Variants in RP1L1 observed in about 807,000 individuals in gnomAD.
RP1L1 encodes the protein retinitis pigmentosa 1-like 1 protein.
Under a neutral mutation model 15.7 loss-of-function variants are expected in RP1L1, and 27 were observed. The observed-to-expected ratio is 1.72, with a 90% CI of 1.27 to 2.38. RP1L1 has a LOEUF of 2.38. Ranked by LOEUF, RP1L1 falls within the 30% of genes most tolerant of loss-of-function variation. The pLI, the probability that RP1L1 is intolerant of heterozygous loss-of-function variation, is 0.00. For synonymous variants in RP1L1, 1,813 were observed against 1,276.7 expected, an observed-to-expected ratio of 1.42 and a Z score of -8.96; for missense variants, 4,798 against 3,075.9, an observed-to-expected ratio of 1.56 and a Z score of -13.24.
Position 10,611,490 on chromosome 8 carries a change from A to C in RP1L1, c.2608T>G (p.Cys870Gly), listed in dbSNP as rs1797853367. The change falls in exon 4 of 4, where the codon TGT (cysteine) becomes GGT (glycine). Residue 870 changes from cysteine to glycine, a missense_variant. Physicochemically the swap from Cys to Gly is radical, Grantham distance 159. Transcript: ENST00000382483. ...TGGTGGCTGCTGCCGGTGCTCCCAC[A>C]GCTGGAAGAGCGCCTCTGGGGGCAG... ...RPCPQRRSSSCGSTGSSHQST... is the reference protein window; with the variant it reads ...RPCPQRRSSSGGSTGSSHQST... 1 of 1,572,752 alleles carries C rather than the reference A, an allele frequency of 6.4e-7. No individual in the cohort carries two copies. Among genetic ancestry groups the C allele is most frequent in the African/African-American group, 1.3e-5 (1 of 74,346 alleles).
chr8:10,616,671 T>C, intron 2 of RP1L1, 84 bp from the exon 3 acceptor site: 1 of 1,450,900 alleles, frequency 6.9e-7, no homozygotes, highest in South Asian at 1.3e-5. Flanking sequence ...GGATCCAGTC[T>C]CACCAGCCCT....
At chr8:10,618,590 G>C (rs577086970) in intron 2 of RP1L1, among the ~76,000 whole-genome samples, 1 of 152,142 alleles carries the variant, frequency 6.6e-6, no homozygotes, top group Non-Finnish European at 1.5e-5. Flanking sequence ...TGCTTGGGAG[G>C]CTGAGATGGG....
intron 2 of RP1L1, among the ~76,000 whole-genome samples, chr8:10,619,426 G>A (rs4404875): frequency 0.17 from 26,466 of 152,084 alleles, 2,861 homozygotes; most frequent in East Asian, 0.42. Context: ...TTCCCATTTG[G>A]GATCCCAGCA....
chr8:10,646,165 C>T (rs1267360372), intron 1 of RP1L1, among the ~76,000 whole-genome samples: 6 of 152,244 alleles, frequency 3.9e-5, no homozygotes, highest in Admixed American at 6.5e-5. Flanking sequence ...CCCCACGGGG[C>T]TGCCGAGAGA....
In RP1L1 at chr8:10,613,266, GC is replaced by G. The variant is rs1797910388; in HGVS notation, c.831del (p.Arg277SerfsTer33). 1.9e-6 allele frequency: 3 copies of G among 1,609,756 alleles called. No homozygotes were observed. The highest frequency in any genetic ancestry group is 2.5e-6 in the Non-Finnish European group (3 of 1,180,008). On this transcript the variant is annotated frameshift_variant, in exon 4 of 4. Coordinates refer to ENST00000382483, the MANE Select transcript of RP1L1 (RefSeq NM_178857.6). LOFTEE classifies it low-confidence loss of function (END_TRUNC). ...PPGSTPRLPE[R>X]PGPSNPPVGP... ...CCCACCGGGGGGTTGCTAGGACCAG[GC>G]CTTTCTGGCAGCCGTGGCGTGCTGC... is the stretch of plus-strand genomic sequence containing the variant.
intron 1 of RP1L1, among the ~76,000 whole-genome samples, chr8:10,634,648 C>A (rs375244303): frequency 1.3e-5 from 2 of 152,204 alleles, no homozygotes; most frequent in African/African-American, 4.8e-5. Flanking sequence ...GCCAATCACC[C>A]AGGCTCCTGC....
At chr8:10,618,480 C>G (rs1003598820) in intron 2 of RP1L1, among the ~76,000 whole-genome samples, 3 of 152,164 alleles carry the variant, frequency 2.0e-5, no homozygotes, top group Admixed American at 1.3e-4. Context: ...GCACTCCAGC[C>G]TGGGTGACAG....
chr8:10,650,491 T>G (rs925146603), intron 1 of RP1L1, among the ~76,000 whole-genome samples: 1 of 151,978 alleles, frequency 6.6e-6, no homozygotes, highest in African/African-American at 2.4e-5. Context: ...CTGGCCATCC[T>G]GTCACATTCG....
At chr8:10,639,303 G>A (rs1295834420) in intron 1 of RP1L1, among the ~76,000 whole-genome samples, 6 of 152,144 alleles carry the variant, frequency 3.9e-5, no homozygotes, top group Non-Finnish European at 8.8e-5. Context: ...CTACAACCGA[G>A]GAATCTGCCC....
At position 10,607,859 on chromosome 8, in the gene RP1L1, G is replaced by C. The variant is rs754179055; in HGVS notation, c.6239C>G (p.Pro2080Arg). 16 of 1,590,382 alleles carry C rather than the reference G, an allele frequency of 1.0e-5. No individual in the cohort carries two copies. Among genetic ancestry groups the C allele is most frequent in the Non-Finnish European group, 4.3e-6 (5 of 1,164,834 alleles). The change falls in exon 4 of 4, where the codon CCA becomes CGA. Residue 2080 changes from proline to arginine, a missense_variant. By Grantham distance (103) the Pro-to-Arg change is moderately radical. Coordinates refer to ENST00000382483, the MANE Select transcript of RP1L1 (RefSeq NM_178857.6). ...EVQEAEGEAH[P>R]ESEDVDAQEA... is the part of the protein sequence containing the mutation. ...CTGGGCATCTACATCTTCTGACTCT[G>C]GGTGGGCCTCCCCTTCTGCCTCCTG...
chr8:10,628,237 T>C (rs1798187765), intron 1 of RP1L1, among the ~76,000 whole-genome samples: 1 of 152,208 alleles, frequency 6.6e-6, no homozygotes, highest in African/African-American at 2.4e-5. Flanking sequence ...TAGGAGTTTG[T>C]AGGAAAAGTT....
intron 1 of RP1L1, among the ~76,000 whole-genome samples, chr8:10,633,143 G>A (rs562608054): frequency 2.0e-5 from 3 of 152,328 alleles, no homozygotes; most frequent in East Asian, 3.9e-4. Context: ...CTGGAGGGAT[G>A]AGGGAAGACT....
intron 1 of RP1L1, among the ~76,000 whole-genome samples, chr8:10,639,517 C>T (rs184207543): frequency 2.4e-4 from 36 of 152,222 alleles, no homozygotes; most frequent in African/African-American, 8.2e-4. Context: ...GGACTACAGG[C>T]GTGCACCACC....
Position 10,612,654 on chromosome 8 carries a change from T to C in RP1L1, c.1444A>G (p.Ser482Gly). Residue 482 changes from serine (S) to glycine (G), a missense_variant, in exon 4 of 4, where the codon AGT becomes GGT. Coordinates refer to ENST00000382483, the MANE Select transcript of RP1L1 (RefSeq NM_178857.6). ...CCTATCTGGGCAGAGGGGCTGGCAC[T>C]GTCCACCCCGTCCTCCGGGGTCCTG... ...CPRTPEDGVD[S>G]ASPSAQIGAE... 6 of 1,601,444 alleles carry C rather than the reference T, an allele frequency of 3.7e-6. No individual in the cohort carries two copies. Among genetic ancestry groups the C allele is most frequent in the Non-Finnish European group, 5.1e-6 (6 of 1,178,234 alleles).
intron 2 of RP1L1, 119 bp downstream of exon 2, chr8:10,622,474 A>G (rs1798075869): frequency 3.8e-6 from 5 of 1,312,508 alleles, no homozygotes; most frequent in Non-Finnish European, 5.5e-6. Flanking sequence ...TTCACCTTTA[A>G]TTAGCAGCAG....
rs1157547258 is a variant in RP1L1, at chr8:10,622,878, C to T, written c.324G>A (p.Lys108=). Residue 108 remains lysine (K), a synonymous_variant, in exon 2 of 4, where the codon AAG becomes AAA. Coordinates refer to ENST00000382483, the MANE Select transcript of RP1L1 (RefSeq NM_178857.6). The part of the protein sequence containing the change: ...DGGCYLCSDK[K]PPKTPSGPGR... ...CTGGTCCACTGGGGGTCTTGGGGGG[C>T]TTCTTATCAGAGCAGAGGTAGCAGC... The T allele has an allele frequency of 1.9e-6, 3 of 1,613,124 alleles. No homozygotes were observed. Among genetic ancestry groups the T allele is most frequent in the East Asian group, 2.2e-5 (1 of 44,630 alleles).
At chr8:10,631,658 C>A (rs1432105785) in intron 1 of RP1L1, among the ~76,000 whole-genome samples, 2 of 152,230 alleles carry the variant, frequency 1.3e-5, no homozygotes, top group Non-Finnish European at 2.9e-5. Context: ...TCCTCCACTT[C>A]CGAGACGACC....
Position 10,611,027 on chromosome 8 carries a change from G to T in RP1L1, c.3071C>A (p.Pro1024Gln), listed in dbSNP as rs780570154. ...ACTACTCCCCAGGAGGGCTCCCTCT[G>T]GCTCTGGGTCCTGGCCGGGGTCCCC... ...LEGDPGQDPE[P>Q]EGALLGSSDT... Residue 1024 changes from proline to glutamine, a missense_variant, in exon 4 of 4, where the codon CCA becomes CAA. Transcript: ENST00000382483. The T allele has an allele frequency of 1.2e-6, 2 of 1,612,670 alleles. No individual in the cohort carries two copies. Among genetic ancestry groups the T allele is most frequent in the African/African-American group, 2.7e-5 (2 of 74,930 alleles).
At chr8:10,620,152 G>C (rs1466030037) in intron 2 of RP1L1, among the ~76,000 whole-genome samples, 1 of 152,180 alleles carries the variant, frequency 6.6e-6, no homozygotes, top group Non-Finnish European at 1.5e-5. Context: ...CATCCCAGCA[G>C]TTTTGGTGTC....
Sources: allele counts gnomAD v4.1 joint callset (sites outside exome capture counted in the v4.1 genomes callset), GRCh38; gene constraint gnomAD v4.1.1; transcripts MANE v1.5; gene names NCBI Gene and HGNC (gene_info 2026-07-23, HGNC 2026-07-21).